SPTBN5: variants seen among roughly 807,000 people sequenced by gnomAD.
SPTBN5 encodes the protein spectrin beta, non-erythrocytic 5, also known as spectrin beta chain, non-erythrocytic 5.
A neutral mutation model predicts 477.6 loss-of-function variants in SPTBN5; 513 were observed. The ratio of observed to expected loss-of-function variants is 1.07; its 90% confidence interval spans 1.00 to 1.16. The LOEUF (loss-of-function observed/expected upper bound fraction) is 1.16, where lower values mean the gene tolerates loss of function less well. SPTBN5 is among the 50% of genes most tolerant of loss of function. The probability of loss-of-function intolerance (pLI) is 0.00; values close to 1 mark genes in which losing one functional copy is unlikely to be tolerated. For missense variants in SPTBN5, 5,062 were observed against 4,731.8 expected, an observed-to-expected ratio of 1.07 and a Z score of -2.05; for synonymous variants, 2,169 against 2,011.7, an observed-to-expected ratio of 1.08 and a Z score of -2.09.
chr15:41,850,829 C>A (rs900674634), intron 66 of SPTBN5, 25 bp downstream of exon 66: 4 of 1,568,324 alleles, frequency 2.6e-6, no homozygotes, highest in Non-Finnish European at 3.5e-6. Context: ...GGCCGCCCTC[C>A]CCGCATCCTT....
Position 41,853,311 on chromosome 15 carries a change from G to C in SPTBN5, c.10117C>G (p.Leu3373Val). Residue 3373 changes from leucine to valine, a missense_variant, in exon 59 of 68, where the codon CTG (leucine) becomes GTG (valine). Physicochemically the swap from Leu to Val is conservative, Grantham distance 32 (BLOSUM62 1). Transcript: ENST00000320955. The part of the protein sequence containing the change: ...IRECRLQAQD[L>V]RQEGQQLVDN... Reference sequence around the variant, plus strand: ...ACCAGCTGCTGTCCTTCCTGCCGCAGGTCCTGGGCTTGAAGGCGGCACTCC... The same window carrying C: ...ACCAGCTGCTGTCCTTCCTGCCGCACGTCCTGGGCTTGAAGGCGGCACTCC... 6.2e-7 allele frequency: 1 copy of C among 1,612,334 alleles called. No homozygotes were observed.
chr15:41,893,730 C>T, intron 1 of SPTBN5, 169 bp downstream of exon 1: 1 of 678,708 alleles, frequency 1.5e-6, no homozygotes, highest in Non-Finnish European at 2.4e-6. Flanking sequence ...TTTGCCCCAC[C>T]CCACCTTCCA....
rs1212365660 is a variant in SPTBN5 at position 41,855,244 on chromosome 15, G to A, written c.9403C>T (p.Gln3135Ter). ...AATAESQDYG[Q>*]DLEGVKVLEE... The stretch of plus-strand genomic sequence containing the variant: ...CTCACCTTGACACCCTCCAGGTCCT[G>A]CCCGTAGTCCTGGGACTCGGCGGTG... The change falls in exon 55 of 68, where the codon CAG (glutamine) becomes TAG (stop). Residue 3135 changes from glutamine to a stop codon, truncating the protein, a stop_gained. Transcript: ENST00000320955. LOFTEE classifies it high-confidence loss of function. 1.2e-6 allele frequency: 2 copies of A among 1,612,060 alleles called. No individual in the cohort carries two copies. Among genetic ancestry groups the A allele is most frequent in the Non-Finnish European group, 1.7e-6 (2 of 1,179,440 alleles).
chr15:41,893,671 T>C lies in SPTBN5; in HGVS notation c.-49-125A>G. The C allele has an allele frequency of 3.3e-6, 4 of 1,202,710 alleles. No homozygotes were observed. In the South Asian group the frequency reaches 6.4e-5, roughly 19 times the overall value. 74.5% of individuals were successfully genotyped at this position (1,202,710 alleles called of 1,614,324 possible). A position where few individuals can be genotyped will look rare whatever the true frequency, so the allele number is the denominator to read the frequency against. ...GGTTGCAGCTTGGAGCCCAGCCAGG[T>C]AAGGGCCAGTGCTTCTGGTCCCCTG... On this transcript the variant is annotated intron_variant, in intron 1 of 67. Coordinates refer to ENST00000320955, the MANE Select transcript of SPTBN5 (RefSeq NM_016642.4).
chr15:41,879,445 A>G lies in SPTBN5; in HGVS notation c.2997T>C (p.Ser999=), dbSNP rs2066870978. ...CCTGCAGAAAACTGCACACTTCCAC[A>G]CTGTGTGCCAGCTGCACGGCCTTCT... ...KREKAVQLAH[S]VEVCSFLQEC... Residue 999 remains serine (S), a synonymous_variant, in exon 16 of 68, where the codon AGT becomes AGC. Transcript: ENST00000320955. 3 of 1,605,430 alleles carry G rather than the reference A, an allele frequency of 1.9e-6. No homozygotes were observed. The highest frequency in any genetic ancestry group is 2.5e-6 in the Non-Finnish European group (3 of 1,177,434).
At position 41,853,350 on chromosome 15, in the gene SPTBN5, C is replaced by G; in HGVS notation, c.10078G>C (p.Gly3360Arg). 7 of 1,612,812 alleles carry G rather than the reference C, an allele frequency of 4.3e-6. No homozygotes were observed. The highest frequency in any genetic ancestry group is 5.9e-6 in the Non-Finnish European group (7 of 1,179,584). Residue 3360 changes from glycine to arginine, a missense_variant, in exon 59 of 68, where the codon GGG becomes CGG. By Grantham distance (125) the Gly-to-Arg change is moderately radical. Coordinates refer to ENST00000320955, the MANE Select transcript of SPTBN5 (RefSeq NM_016642.4). The stretch of plus-strand genomic sequence containing the variant: ...AGGCGGCACTCCCTGATTTCTTGCC[C>G]CAGCTCTTCATGCTGCCCAAGGAGC... Reference protein sequence around the residue: ...EQLLGQHEELGQEIRECRLQA... With the variant: ...EQLLGQHEELRQEIRECRLQA...
In SPTBN5 at chr15:41,852,920, G is replaced by A. The variant is rs752531127; in HGVS notation, c.10251C>T (p.Ala3417=). 2.7e-5 allele frequency: 43 copies of A among 1,598,818 alleles called. No homozygotes were observed. In the South Asian group the frequency reaches 3.1e-4, roughly 12 times the overall value. ...EAWALRWQRC[A]ESWGLQKLRQ... is the part of the protein sequence containing the mutation. Reference sequence around the variant, plus strand: ...GAAGCTTCTGCAGGCCCCAGCTCTCGGCACAGCGTTGCCAGCGCAGGGCCC... The same window carrying A: ...GAAGCTTCTGCAGGCCCCAGCTCTCAGCACAGCGTTGCCAGCGCAGGGCCC... Residue 3417 remains alanine, a synonymous_variant, in exon 60 of 68, where the codon GCC becomes GCT. Transcript: ENST00000320955.
chr15:41,858,655 T>G lies in SPTBN5; in HGVS notation c.8173A>C (p.Asn2725His). The G allele has an allele frequency of 6.2e-7, 1 of 1,611,622 alleles. No homozygotes were observed. The highest frequency in any genetic ancestry group is 1.1e-5 in the South Asian group (1 of 90,634). ...CTCGCGTCCAGCTCCGCCTGGAAAT[T>G]CTGCTGCTTCTGTAACTGTGCTGGC... ...MLPAQLQKQQ[N>H]FQAELDASMH... Residue 2725 changes from asparagine (N) to histidine (H), a missense_variant, in exon 49 of 68, where the codon AAT (asparagine) becomes CAT (histidine). Coordinates refer to ENST00000320955, the MANE Select transcript of SPTBN5 (RefSeq NM_016642.4).
Position 41,867,235 on chromosome 15 carries a change from C to T in SPTBN5, c.6313-109G>A, listed in dbSNP as rs548643725. ...AGGGCCCCGGAGCCCTTTCCTCAGCCCCACATGGCTGAGGGGTATCTGATC... is the reference window on the plus strand; with the variant it reads ...AGGGCCCCGGAGCCCTTTCCTCAGCTCCACATGGCTGAGGGGTATCTGATC... On this transcript the variant is annotated intron_variant, in intron 35 of 67. Coordinates refer to ENST00000320955, the MANE Select transcript of SPTBN5 (RefSeq NM_016642.4). The T allele has an allele frequency of 8.7e-5, 112 of 1,280,312 alleles. No individual in the cohort carries two copies. In the African/African-American group the frequency reaches 1.2e-3, roughly 13 times the overall value. 79.3% of individuals were successfully genotyped at this position (1,280,312 alleles called of 1,614,324 possible).
chr15:41,855,933 G>C (rs923748955), intron 53 of SPTBN5, among the ~76,000 whole-genome samples, 188 bp from the exon 54 acceptor site: 4 of 152,240 alleles, frequency 2.6e-5, no homozygotes, highest in African/African-American at 9.6e-5. Flanking sequence ...GTTTTGTAAA[G>C]GGTCCAGGTG....
At position 41,863,752 on chromosome 15, in the gene SPTBN5, G is replaced by C. The variant is rs371379090; in HGVS notation, c.7101C>G (p.His2367Gln). The change falls in exon 41 of 68, where the codon CAC becomes CAG. Residue 2367 changes from histidine (H) to glutamine (Q), a missense_variant. His to Gln is a conservative substitution (Grantham distance 24). Transcript: ENST00000320955. The stretch of plus-strand genomic sequence containing the variant: ...CATTGTCCAGCTCTCGGGACAACAC[G>C]TGTATCTCCAAGGCCCCTTCGAGCT... ...QQQLEGALEI[H>Q]VLSRELDNVT... is the part of the protein sequence containing the mutation. 6.2e-7 allele frequency: 1 copy of C among 1,613,572 alleles called. No individual in the cohort carries two copies. The highest frequency in any genetic ancestry group is 1.1e-5 in the South Asian group (1 of 91,078).
In SPTBN5 at chr15:41,869,972, C is replaced by T; in HGVS notation, c.5722G>A (p.Gly1908Arg). Reference sequence around the variant, plus strand: ...TGCTGCACCGCATGGGCCTGAGGCCCCGGACACAGCTTCTGCACCCTGCCT... The same window carrying T: ...TGCTGCACCGCATGGGCCTGAGGCCTCGGACACAGCTTCTGCACCCTGCCT... ...TAGRVQKLCP[G>R]PQAHAVQQRQ... is the part of the protein sequence containing the mutation. The change falls in exon 32 of 68, where the codon GGG becomes AGG. Residue 1908 changes from glycine to arginine, a missense_variant. By Grantham distance (125) the Gly-to-Arg change is moderately radical. Transcript: ENST00000320955. The T allele has an allele frequency of 6.5e-7, 1 of 1,536,676 alleles. No homozygotes were observed. The highest frequency in any genetic ancestry group is 8.8e-7 in the Non-Finnish European group (1 of 1,140,372).
chr15:41,865,683 G>T, intron 39 of SPTBN5, 125 bp downstream of exon 39: 3 of 845,194 alleles, frequency 3.5e-6, no homozygotes, highest in Non-Finnish European at 5.5e-6. Flanking sequence ...GAGCCTGCCC[G>T]AGGGCATAGG....
At position 41,878,595 on chromosome 15, in the gene SPTBN5, G is replaced by A. The variant is rs927145552; in HGVS notation, c.3217C>T (p.Leu1073=). 1 of 1,612,658 alleles carries A rather than the reference G, an allele frequency of 6.2e-7. No individual in the cohort carries two copies. Among genetic ancestry groups the A allele is most frequent in the East Asian group, 2.2e-5 (1 of 44,864 alleles). Residue 1073 remains leucine (L), a synonymous_variant, in exon 17 of 68, where the codon CTG becomes TTG. Transcript: ENST00000320955. ...TGCAGTGTCTCCACCTGTCCTTGCA[G>A]AGGCTGGCTCTCTGCGTAGCCTGGC... ...EEPGYAESQP[L]QGQVETLQGL...
intron 47 of SPTBN5, among the ~76,000 whole-genome samples, chr15:41,859,334 T>G (rs1332269307): frequency 6.6e-6 from 1 of 152,118 alleles, no homozygotes; most frequent in East Asian, 1.9e-4. Context: ...AAATTTTGTA[T>G]TTTTAGTAGA....
chr15:41,869,640 C>A (rs116210477), intron 32 of SPTBN5, among the ~76,000 whole-genome samples: 30 of 152,364 alleles, frequency 2.0e-4, no homozygotes, highest in African/African-American at 6.7e-4. Context: ...CTGGCACTGA[C>A]CCAGACCCTA....
chr15:41,867,025 C>G lies in SPTBN5; in HGVS notation c.6414G>C (p.Ala2138=), dbSNP rs558672320. 1.3e-6 allele frequency: 2 copies of G among 1,556,762 alleles called. No homozygotes were observed. Among genetic ancestry groups the G allele is most frequent in the Middle Eastern group, 1.7e-4 (1 of 5,876 alleles). Residue 2138 remains alanine, a synonymous_variant, in exon 36 of 68, where the codon GCG becomes GCC. Coordinates refer to ENST00000320955, the MANE Select transcript of SPTBN5 (RefSeq NM_016642.4). ...CATGCAGGGCGTGTCCCCGGCTCTC[C>G]GCCAGCTCCTTCACTCTCATCCGGC... The part of the protein sequence containing the change: ...LQRRMRVKEL[A]ESRGHALHAS...
chr15:41,856,628 T>A lies in SPTBN5; in HGVS notation c.8809-30A>T, dbSNP rs755076410. 13 of 1,540,208 alleles carry A rather than the reference T, an allele frequency of 8.4e-6. No individual in the cohort carries two copies. In the East Asian group the frequency reaches 2.6e-4, roughly 31 times the overall value. On this transcript the variant is annotated intron_variant, in intron 52 of 67. Coordinates refer to ENST00000320955, the MANE Select transcript of SPTBN5 (RefSeq NM_016642.4). ...GGGGGAGGAGGCAGGAGGATGCGGA[T>A]GTTGCTGACCCTTGGGGGACTCCCA...
chr15:41,870,512 C>A lies in SPTBN5; in HGVS notation c.5496G>T (p.Ala1832=), dbSNP rs781138140. Residue 1832 remains alanine (A), a synonymous_variant, in exon 30 of 68, where the codon GCG becomes GCT. Transcript: ENST00000320955. The part of the protein sequence containing the change: ...LWELTQARGH[A]LRDTETTLRV... ...TGAGGGTGGTCTCGGTGTCTCGGAG[C>A]GCGTGGCCTCGGGCCTGGGTCAGCT... 6 of 1,611,780 alleles carry A rather than the reference C, an allele frequency of 3.7e-6. No individual in the cohort carries two copies. Among genetic ancestry groups the A allele is most frequent in the East Asian group, 2.2e-5 (1 of 44,816 alleles).
Sources: allele counts gnomAD v4.1 joint callset (sites outside exome capture counted in the v4.1 genomes callset), GRCh38; gene constraint gnomAD v4.1.1; transcripts MANE v1.5; gene names NCBI Gene and HGNC (gene_info 2026-07-23, HGNC 2026-07-21).